SENP5: variants seen among roughly 807,000 people sequenced by gnomAD.
SENP5 encodes the protein SUMO specific peptidase 5.
A neutral mutation model predicts 74.2 loss-of-function variants in SENP5; 21 were observed. That is an observed-to-expected ratio of 0.28 (90% CI 0.20 to 0.41). SENP5 has a LOEUF of 0.41. Among genes scored for constraint, SENP5 ranks in the 10% least tolerant of loss-of-function variants. The pLI is 1.00. For missense variants in SENP5, 717 were observed against 889.1 expected (o/e 0.81, Z 2.46); for synonymous variants, 311 against 312.7 (o/e 0.99, Z 0.06).
intron 1 of SENP5, among the ~76,000 whole-genome samples, chr3:196,869,844 CTTTT>C (rs10559181): frequency 4.6e-5 from 6 of 131,412 alleles, no homozygotes; most frequent in African/African-American, 1.4e-4. Context: ...CTAAATCAGC[CTTTT>C]TTTTTTTTTT....
At chr3:196,914,605 A>ATATATATATATATATATGTATG (rs1290986271) in intron 6 of SENP5, 1 of 122,500 alleles carries the variant, frequency 8.2e-6, no homozygotes, top group African/African-American at 3.3e-5. Context: ...ATATATATAT[A>ATATATATATATATATATGTATG]TATATATGTC....
chr3:196,886,523 C>T lies in SENP5; in HGVS notation c.1342C>T (p.Leu448Phe). The change falls in exon 2 of 10, where the codon CTC (leucine) becomes TTC (phenylalanine). Residue 448 changes from leucine to phenylalanine, a missense_variant. Coordinates refer to ENST00000323460, the MANE Select transcript of SENP5 (RefSeq NM_152699.5). ...ATACCAGATGGAGGAGGATGGATCTCTCAAGCAGAGCATTCTTAGTTCTGA... is the reference window on the plus strand; with the variant it reads ...ATACCAGATGGAGGAGGATGGATCTTTCAAGCAGAGCATTCTTAGTTCTGA... Reference protein sequence around the residue: ...NSYQMEEDGSLKQSILSSELL... With the variant: ...NSYQMEEDGSFKQSILSSELL... The T allele has an allele frequency of 6.2e-7, 1 of 1,613,722 alleles. No homozygotes were observed.
At chr3:196,891,892 G>A (rs1395632939) in intron 2 of SENP5, among the ~76,000 whole-genome samples, 1 of 152,078 alleles carries the variant, frequency 6.6e-6, no homozygotes, top group African/African-American at 2.4e-5. Flanking sequence ...CTGGGTTCAA[G>A]CGATTCTCCT....
intron 1 of SENP5, among the ~76,000 whole-genome samples, chr3:196,878,421 AC>A (rs1713574843): frequency 6.6e-6 from 1 of 152,150 alleles, no homozygotes; most frequent in South Asian, 2.1e-4. Flanking sequence ...AGGATAAGGT[AC>A]TGTGCCTTAT....
At chr3:196,877,267 T>C (rs1389437958) in intron 1 of SENP5, among the ~76,000 whole-genome samples, 1 of 152,166 alleles carries the variant, frequency 6.6e-6, no homozygotes, top group African/African-American at 2.4e-5. Context: ...CACTGCAGCC[T>C]CCACTCCCTG....
At chr3:196,917,573 A>G (rs949165200) in intron 6 of SENP5, among the ~76,000 whole-genome samples, 4 of 152,236 alleles carry the variant, frequency 2.6e-5, no homozygotes, top group African/African-American at 9.7e-5. Flanking sequence ...AGCAAGAGAA[A>G]AGGAACAAAT....
chr3:196,891,770 C>T (rs559651347), intron 2 of SENP5, among the ~76,000 whole-genome samples: 71 of 152,276 alleles, frequency 4.7e-4, no homozygotes, highest in Middle Eastern at 6.8e-3. Flanking sequence ...CTGCATTCCA[C>T]GCTGGGTGAC....
intron 6 of SENP5, among the ~76,000 whole-genome samples, chr3:196,910,856 T>C (rs1277569380): frequency 6.6e-6 from 1 of 152,216 alleles, no homozygotes; most frequent in Non-Finnish European, 1.5e-5. Flanking sequence ...AACAACGTGG[T>C]ATTGGTACCA....
chr3:196,895,838 A>G (rs919641082), intron 2 of SENP5, among the ~76,000 whole-genome samples: 3 of 152,164 alleles, frequency 2.0e-5, no homozygotes, highest in Admixed American at 6.6e-5. Context: ...TTTAAATTCT[A>G]AAATGACACC....
intron 1 of SENP5, among the ~76,000 whole-genome samples, chr3:196,868,413 G>A (rs1713031035): frequency 6.6e-6 from 1 of 152,232 alleles, no homozygotes. Flanking sequence ...CGGCCGCCGT[G>A]GAAGTCCGGG....
At chr3:196,923,656 A>G in intron 7 of SENP5, 105 bp downstream of exon 7, 1 of 722,048 alleles carries the variant, frequency 1.4e-6, no homozygotes, top group Non-Finnish European at 2.2e-6. Context: ...GGAACAGTTT[A>G]TGTCATGAAA....
At chr3:196,870,082 C>G (rs752022896) in intron 1 of SENP5, among the ~76,000 whole-genome samples, 3 of 152,128 alleles carry the variant, frequency 2.0e-5, no homozygotes, top group Non-Finnish European at 4.4e-5. Context: ...TGCCAAACAT[C>G]TGATTGAAGT....
chr3:196,886,558 C>T lies in SENP5; in HGVS notation c.1377C>T (p.Asp459=), dbSNP rs1445611406. Residue 459 remains aspartate, a synonymous_variant, in exon 2 of 10, where the codon GAC becomes GAT. Transcript: ENST00000323460. ...KQSILSSELL[D]HPYCKSPLEA... is the part of the protein sequence containing the mutation. ...GCATTCTTAGTTCTGAGTTGCTGGA[C>T]CACCCTTACTGTAAAAGTCCACTGG... The T allele has an allele frequency of 1.9e-6, 3 of 1,613,746 alleles. No homozygotes were observed. Among genetic ancestry groups the T allele is most frequent in the Non-Finnish European group, 2.5e-6 (3 of 1,179,916 alleles).
chr3:196,874,204 G>C (rs1046427821), intron 1 of SENP5, among the ~76,000 whole-genome samples: 1 of 79,828 alleles, frequency 1.3e-5, no homozygotes, highest in Non-Finnish European at 2.4e-5. Flanking sequence ...TTTTAAGAGG[G>C]AATGATGGTA....
intron 6 of SENP5, among the ~76,000 whole-genome samples, chr3:196,905,395 C>T (rs1427844389): frequency 6.6e-6 from 1 of 152,140 alleles, no homozygotes; most frequent in Non-Finnish European, 1.5e-5. Context: ...TGCCACGTCC[C>T]ATAGTTTGAG....
In SENP5 at chr3:196,885,435, C is replaced by T. The variant is rs1360801840; in HGVS notation, c.254C>T (p.Ala85Val). ...PLCAKTKFNV[A>V]TQNVSTLSSK... ...TGTGCTAAGACCAAGTTCAATGTGG[C>T]TACTCAAAATGTTAGTACTTTGTCC... Residue 85 changes from alanine to valine, a missense_variant, in exon 2 of 10, where the codon GCT becomes GTT. Physicochemically the swap from Ala to Val is moderately conservative, Grantham distance 64 (BLOSUM62 0). Around this residue, in one of 4 missense-constraint regions of SENP5, gnomAD observed 567 missense variants for 577.4 expected, o/e 0.98. Transcript: ENST00000323460. 1.9e-6 allele frequency: 3 copies of T among 1,614,126 alleles called. No individual in the cohort carries two copies. Among genetic ancestry groups the T allele is most frequent in the East Asian group, 2.2e-5 (1 of 44,880 alleles).
Position 196,886,162 on chromosome 3 carries a change from C to A in SENP5, c.981C>A (p.His327Gln), listed in dbSNP as rs2108817696. Residue 327 changes from histidine (H) to glutamine (Q), a missense_variant, in exon 2 of 10, where the codon CAC (histidine) becomes CAA (glutamine). Physicochemically the swap from His to Gln is conservative, Grantham distance 24. Coordinates refer to ENST00000323460, the MANE Select transcript of SENP5 (RefSeq NM_152699.5). ...KGTNSHVPDCHTKGSSFLGKE... is the reference protein window; with the variant it reads ...KGTNSHVPDCQTKGSSFLGKE... The stretch of plus-strand genomic sequence containing the variant: ...CGAACTCTCATGTGCCTGATTGCCA[C>A]ACTAAAGGAAGCTCTTTCTTGGGCA... The A allele has an allele frequency of 1.2e-6, 2 of 1,614,232 alleles. No homozygotes were observed. The highest frequency in any genetic ancestry group is 2.2e-5 in the South Asian group (2 of 91,088).
chr3:196,924,161 T>C (rs957902495), intron 7 of SENP5, among the ~76,000 whole-genome samples: 22 of 152,292 alleles, frequency 1.4e-4, no homozygotes, highest in African/African-American at 5.1e-4. Context: ...TGTAAAAGTA[T>C]TTGAATGAAA....
chr3:196,876,284 G>A (rs909720500), intron 1 of SENP5, among the ~76,000 whole-genome samples: 1 of 152,130 alleles, frequency 6.6e-6, no homozygotes, highest in Non-Finnish European at 1.5e-5. Context: ...GCTCACGCCT[G>A]TAATTCCAGC....
Sources: allele counts gnomAD v4.1 joint callset (sites outside exome capture counted in the v4.1 genomes callset), GRCh38; gene constraint gnomAD v4.1.1; regional missense constraint gnomAD v4.1.1; transcripts MANE v1.5; gene names NCBI Gene and HGNC (gene_info 2026-07-23, HGNC 2026-07-21).